The following SLC25A48 variants were observed in gnomAD, a reference collection of about 807,000 sequenced individuals.
The protein encoded by SLC25A48 is CTC-321K16.1.
SLC25A48 carries 29 observed loss-of-function variants against 32.2 expected under a neutral mutation model. The observed-to-expected ratio is 0.90, with a 90% CI of 0.67 to 1.23. SLC25A48 has a LOEUF of 1.23. SLC25A48 is among the 50% of genes most tolerant of loss of function. The probability of loss-of-function intolerance (pLI) is 0.00; values close to 1 mark genes in which losing one functional copy is unlikely to be tolerated. For synonymous variants in SLC25A48, 164 were observed against 172.3 expected, an observed-to-expected ratio of 0.95 and a Z score of 0.38; for missense variants, 399 against 422.7, an observed-to-expected ratio of 0.94 and a Z score of 0.49.
chr5:135,774,438 C>A (rs1398856672), intron 3 of SLC25A48, among the ~76,000 whole-genome samples: 1 of 151,722 alleles, frequency 6.6e-6, no homozygotes, highest in Admixed American at 6.6e-5. Context: ...GGTGTACAAC[C>A]CGCTTGTGAT....
At chr5:135,791,451 G>A (rs1189366385) in intron 3 of SLC25A48, among the ~76,000 whole-genome samples, 1 of 151,606 alleles carries the variant, frequency 6.6e-6, no homozygotes, top group South Asian at 2.1e-4. Flanking sequence ...TTCGCAGGGA[G>A]TGTACACCCT....
intron 3 of SLC25A48, among the ~76,000 whole-genome samples, chr5:135,673,650 G>C (rs1753704307): frequency 6.6e-6 from 1 of 151,960 alleles, no homozygotes. Flanking sequence ...ATTATTTTCT[G>C]AGTCTGTGGC....
At chr5:135,879,838 C>A in intron 6 of SLC25A48, 130 bp from the exon 7 acceptor site, 2 of 1,320,576 alleles carry the variant, frequency 1.5e-6, no homozygotes, top group Non-Finnish European at 2.0e-6. Context: ...TCTGCCTGCA[C>A]AGGTCCTTTG....
intron 4 of SLC25A48, chr5:135,827,597 A>G (rs533887564): frequency 3.4e-4 from 52 of 152,326 alleles, no homozygotes; most frequent in African/African-American, 1.1e-3. Context: ...TTTATTTTCC[A>G]TAAGGCTGGA....
intron 3 of SLC25A48, among the ~76,000 whole-genome samples, chr5:135,715,914 G>C (rs760307238): frequency 1.1e-4 from 16 of 152,152 alleles, no homozygotes; most frequent in African/African-American, 3.4e-4. Context: ...ATGTAATCCT[G>C]TTTCTCTGGG....
chr5:135,658,829 A>T (rs1453332302), intron 3 of SLC25A48, among the ~76,000 whole-genome samples: 2 of 152,226 alleles, frequency 1.3e-5, no homozygotes, highest in Non-Finnish European at 2.9e-5. Flanking sequence ...CAACAGTCTG[A>T]GTTATACTTG....
At chr5:135,752,947 G>A (rs1403889537) in intron 3 of SLC25A48, among the ~76,000 whole-genome samples, 1 of 151,826 alleles carries the variant, frequency 6.6e-6, no homozygotes, top group Non-Finnish European at 1.5e-5. Flanking sequence ...AATTTCTCGA[G>A]GATATATTTT....
intron 3 of SLC25A48, among the ~76,000 whole-genome samples, chr5:135,789,153 G>A (rs1392117340): frequency 2.8e-5 from 1 of 35,924 alleles, no homozygotes; most frequent in Non-Finnish European, 1.1e-4. Context: ...TAATATCCAG[G>A]GTGGGGAGGG....
intron 3 of SLC25A48, among the ~76,000 whole-genome samples, chr5:135,788,663 C>G (rs138557493): frequency 3.9e-4 from 59 of 150,140 alleles, no homozygotes; most frequent in Middle Eastern, 3.6e-3. Flanking sequence ...GAGTGTACAC[C>G]CCTCCACCAT....
chr5:135,630,326 C>A (rs1248986159), intron 2 of SLC25A48, among the ~76,000 whole-genome samples: 1 of 152,180 alleles, frequency 6.6e-6, no homozygotes, highest in Non-Finnish European at 1.5e-5. Context: ...AGAAAAATCT[C>A]TTCCTTAGCT....
intron 3 of SLC25A48, among the ~76,000 whole-genome samples, chr5:135,736,515 AAG>A (rs530460376): frequency 2.2e-4 from 33 of 152,132 alleles, no homozygotes; most frequent in African/African-American, 6.7e-4. Flanking sequence ...GCCCAGAGAA[AAG>A]AGAGAGTGGA....
At chr5:135,724,083 A>G (rs1248623663) in intron 3 of SLC25A48, among the ~76,000 whole-genome samples, 2 of 152,200 alleles carry the variant, frequency 1.3e-5, no homozygotes, top group Admixed American at 1.3e-4. Context: ...GCACAACCAG[A>G]GACTGTCCTT....
At chr5:135,627,839 A>T (rs1413012150) in intron 1 of SLC25A48, among the ~76,000 whole-genome samples, 1 of 152,082 alleles carries the variant, frequency 6.6e-6, no homozygotes, top group African/African-American at 2.4e-5. Flanking sequence ...GGGACCTGAA[A>T]TTTATTTCTT....
At chr5:135,587,656 A>G (rs926797359) in intron 1 of SLC25A48, among the ~76,000 whole-genome samples, 6 of 152,170 alleles carry the variant, frequency 3.9e-5, no homozygotes, top group Non-Finnish European at 8.8e-5. Context: ...TGAATCTTCT[A>G]TGAAGAAAAC....
chr5:135,776,992 G>T (rs1756580433), intron 3 of SLC25A48, among the ~76,000 whole-genome samples: 1 of 151,730 alleles, frequency 6.6e-6, no homozygotes. Flanking sequence ...TGCCAATATG[G>T]CAGGGAGAGT....
At chr5:135,831,904 G>C (rs1220736451), upstream of SLC25A48, among the ~76,000 whole-genome samples, 1 of 152,224 alleles carries the variant, frequency 6.6e-6, no homozygotes, top group Non-Finnish European at 1.5e-5. Flanking sequence ...CAGTGGCACA[G>C]GGCTGGGCTG....
intron 3 of SLC25A48, among the ~76,000 whole-genome samples, chr5:135,668,018 C>G (rs1043127132): frequency 6.6e-6 from 1 of 152,122 alleles, no homozygotes; most frequent in Non-Finnish European, 1.5e-5. Context: ...AAGACATAGT[C>G]CTGGCCTCTC....
At chr5:135,860,311 C>G (rs1389154620) in intron 4 of SLC25A48, among the ~76,000 whole-genome samples, 1 of 152,196 alleles carries the variant, frequency 6.6e-6, no homozygotes, top group Non-Finnish European at 1.5e-5. Context: ...TTCATTTTTC[C>G]TCTTTCGATT....
chr5:135,832,427 T>C (rs1250227113), upstream of SLC25A48, among the ~76,000 whole-genome samples: 1 of 152,160 alleles, frequency 6.6e-6, no homozygotes, highest in African/African-American at 2.4e-5. Context: ...AGGCCTTTGC[T>C]GCCCGAGTGT....
Sources: gnomAD v4.1 joint callset for allele counts (sites outside exome capture counted in the v4.1 genomes callset) on GRCh38, gnomAD v4.1.1 for gene constraint, MANE v1.5 for transcripts, NCBI Gene and HGNC (gene_info 2026-07-23, HGNC 2026-07-21) for gene names.